The following GOLM2 variants were observed in gnomAD, a reference collection of about 807,000 sequenced individuals.
GOLM2 encodes the protein golgi membrane protein 2.
GOLM2 carries 26 observed loss-of-function variants against 55.9 expected under a neutral mutation model. The observed-to-expected ratio is 0.47, with a 90% CI of 0.34 to 0.65. The LOEUF (loss-of-function observed/expected upper bound fraction) is 0.65. Among genes scored for constraint, GOLM2 ranks in the 30% least tolerant of loss-of-function variants. The pLI, the probability that GOLM2 is intolerant of heterozygous loss-of-function variation, is 0.01. For synonymous variants in GOLM2, 165 were observed against 194.6 expected (o/e 0.85, Z 1.27); for missense variants, 486 against 531.8 (o/e 0.91, Z 0.85).
intron 8 of GOLM2, among the ~76,000 whole-genome samples, chr15:44,401,736 C>T (rs1432290848): frequency 6.6e-6 from 1 of 151,874 alleles, no homozygotes; most frequent in African/African-American, 2.4e-5. Flanking sequence ...ATTTCTAAAT[C>T]AGATCCTAGT....
chr15:44,411,828 CAAA>C (rs60534778), intron 9 of GOLM2, among the ~76,000 whole-genome samples: 10 of 68,332 alleles, frequency 1.5e-4, no homozygotes, highest in African/African-American at 1.4e-4. Flanking sequence ...GACTGCATCT[CAAA>C]AAAAAAAAAA....
chr15:44,303,646 G>A (rs1413715827), intron 1 of GOLM2, among the ~76,000 whole-genome samples: 1 of 151,806 alleles, frequency 6.6e-6, no homozygotes, highest in Non-Finnish European at 1.5e-5. Flanking sequence ...GCTCACTGCA[G>A]CCTTGACCTT....
At chr15:44,337,547 T>C (rs1360819790) in intron 4 of GOLM2, among the ~76,000 whole-genome samples, 3 of 152,138 alleles carry the variant, frequency 2.0e-5, no homozygotes, top group African/African-American at 7.2e-5. Context: ...ATTCATTTAC[T>C]GTAGCTAGAG....
intron 1 of GOLM2, among the ~76,000 whole-genome samples, chr15:44,305,636 C>A (rs2078832024): frequency 6.6e-6 from 1 of 152,116 alleles, no homozygotes; most frequent in Admixed American, 6.6e-5. Context: ...TTGGTGAATT[C>A]TTTCTAGAAG....
At chr15:44,298,464 T>C (rs1352427810) in intron 1 of GOLM2, among the ~76,000 whole-genome samples, 1 of 147,666 alleles carries the variant, frequency 6.8e-6, no homozygotes, top group East Asian at 2.0e-4. Context: ...TTAGTAAAGA[T>C]GGGGTTTTAC....
At chr15:44,339,456 A>G (rs2079077132) in intron 6 of GOLM2, among the ~76,000 whole-genome samples, 1 of 151,966 alleles carries the variant, frequency 6.6e-6, no homozygotes, top group Admixed American at 6.6e-5. Context: ...CTCCTGCCTC[A>G]TCCTCCTGAG....
chr15:44,406,127 G>A (rs896653910), intron 9 of GOLM2, among the ~76,000 whole-genome samples: 5 of 152,114 alleles, frequency 3.3e-5, no homozygotes, highest in East Asian at 1.9e-4. Flanking sequence ...TCAGCCAGGC[G>A]CAGTGGCTCA....
rs781013485 is a variant in GOLM2, at chr15:44,380,788, G to A, written c.902-18G>A. The A allele has an allele frequency of 2.8e-6, 4 of 1,416,752 alleles. No individual in the cohort carries two copies. Among genetic ancestry groups the A allele is most frequent in the Non-Finnish European group, 3.7e-6 (4 of 1,076,144 alleles). The allele number at this position is 1,416,752 out of a possible 1,614,324, so 87.8% of individuals were successfully genotyped here. ...AAATTAAATTATATTCTTTTAATTT[G>A]ATGTTTTTATGCCACAGATTCACAC... On this transcript the variant is annotated intron_variant, in intron 7 of 9. Transcript: ENST00000299957.
intron 9 of GOLM2, chr15:44,406,732 C>A (rs1250862558): frequency 6.6e-6 from 1 of 152,150 alleles, no homozygotes; most frequent in East Asian, 1.9e-4. Context: ...AATGCTCAAT[C>A]AATAGGGGCT....
At chr15:44,316,766 AAAC>A (rs1182774345) in intron 1 of GOLM2, among the ~76,000 whole-genome samples, 3 of 151,798 alleles carry the variant, frequency 2.0e-5, no homozygotes, top group Non-Finnish European at 4.4e-5. Flanking sequence ...AAAAAAAAAA[AAAC>A]AAAAAAGAGC....
chr15:44,369,206 A>ATGTGTG (rs551489001), intron 6 of GOLM2, among the ~76,000 whole-genome samples: 8 of 110,192 alleles, frequency 7.3e-5, no homozygotes, highest in African/African-American at 1.6e-4. Flanking sequence ...ATATATATAT[A>ATGTGTG]TGTGTGTGTG....
chr15:44,393,839 A>G (rs2079507366), intron 8 of GOLM2, among the ~76,000 whole-genome samples: 1 of 152,092 alleles, frequency 6.6e-6, no homozygotes, highest in African/African-American at 2.4e-5. Flanking sequence ...TTACAGGTGC[A>G]TGCCACAACA....
rs143625272 is a variant in GOLM2, at chr15:44,344,445, G to A, written c.802+6128G>A. On this transcript the variant is annotated intron_variant, in intron 6 of 9. Coordinates refer to ENST00000299957, the MANE Select transcript of GOLM2 (RefSeq NM_138423.4). ...TTTAATGCTTGATTTGGAACTAATC[G>A]CCAAGACTTTACAGGAACTTTATGA... Among the ~76,000 whole-genome samples the A allele has an allele frequency of 5.0e-3, 766 of 151,852 alleles. 5 individuals carry two copies. Among genetic ancestry groups the A allele is most frequent in the Middle Eastern group, 0.01 (3 of 294 alleles).
chr15:44,304,231 T>TTC (rs2078820147), intron 1 of GOLM2, among the ~76,000 whole-genome samples: 1 of 107,366 alleles, frequency 9.3e-6, no homozygotes, highest in Admixed American at 8.9e-5. Context: ...GCTCCACTTC[T>TTC]TTTTTTTTTT....
At chr15:44,309,571 G>A (rs1241863901) in intron 1 of GOLM2, among the ~76,000 whole-genome samples, 1 of 151,516 alleles carries the variant, frequency 6.6e-6, no homozygotes, top group Non-Finnish European at 1.5e-5. Flanking sequence ...TTTTTCTTTT[G>A]TGTTGTTTTT....
intron 9 of GOLM2, among the ~76,000 whole-genome samples, chr15:44,410,229 A>C (rs192245089): frequency 1.3e-5 from 2 of 152,032 alleles, no homozygotes; most frequent in Non-Finnish European, 2.9e-5. Context: ...ACGAGGTCAG[A>C]AGTTCGAGAC....
At chr15:44,406,033 A>G (rs1247015327) in intron 9 of GOLM2, among the ~76,000 whole-genome samples, 4 of 152,196 alleles carry the variant, frequency 2.6e-5, no homozygotes, top group African/African-American at 9.7e-5. Context: ...TTACTGTGCC[A>G]ATGTGGAAGT....
chr15:44,332,952 G>A (rs1307309990), intron 4 of GOLM2, among the ~76,000 whole-genome samples: 1 of 151,940 alleles, frequency 6.6e-6, no homozygotes, highest in Non-Finnish European at 1.5e-5. Context: ...TTTTGTGTGT[G>A]TGATGGAGTC....
intron 7 of GOLM2, 144 bp from the exon 8 acceptor site, chr15:44,380,662 C>CT: frequency 3.9e-6 from 2 of 509,486 alleles, no homozygotes. Flanking sequence ...GAGAATAAAC[C>CT]TTTAAAAAAA....
Sources: gnomAD v4.1 joint callset for allele counts (sites outside exome capture counted in the v4.1 genomes callset) on GRCh38, gnomAD v4.1.1 for gene constraint, MANE v1.5 for transcripts, NCBI Gene and HGNC (gene_info 2026-07-23, HGNC 2026-07-21) for gene names.